Variants in CTCF observed in about 807,000 individuals in gnomAD.
The protein encoded by CTCF is CCCTC-binding factor, also known as transcriptional repressor CTCF.
Under a neutral mutation model 72.3 loss-of-function variants are expected in CTCF, and 7 were observed. That is an observed-to-expected ratio of 0.10 (90% CI 0.06 to 0.18). The LOEUF (loss-of-function observed/expected upper bound fraction) is 0.18. Among genes scored for constraint, CTCF ranks in the 10% least tolerant of loss-of-function variants. CTCF has a pLI of 1.00. For missense variants in CTCF, 516 were observed against 949.1 expected (o/e 0.54, Z 6.00); for synonymous variants, 374 against 315.8 (o/e 1.18, Z -1.95).
intron 4 of CTCF, 168 bp from the exon 5 acceptor site, chr16:67,616,577 A>G: frequency 1.5e-6 from 1 of 688,480 alleles, no homozygotes; most frequent in Non-Finnish European, 2.5e-6. Flanking sequence ...AAATTCATCC[A>G]GGCCCTCCCA....
intron 4 of CTCF, chr16:67,612,456 G>T (rs954851211): frequency 1.7e-5 from 3 of 180,958 alleles, no homozygotes; most frequent in Admixed American, 1.2e-4. Flanking sequence ...TGGGTGTGGT[G>T]GTGGGCGCCT....
At chr16:67,585,942 G>A (rs1369505511) in intron 2 of CTCF, among the ~76,000 whole-genome samples, 1 of 151,808 alleles carries the variant, frequency 6.6e-6, no homozygotes, top group African/African-American at 2.4e-5. Context: ...TGTGTCTTTT[G>A]GGTGTATATA....
At chr16:67,574,798 A>G (rs1440013552) in intron 2 of CTCF, among the ~76,000 whole-genome samples, 1 of 151,384 alleles carries the variant, frequency 6.6e-6, no homozygotes, top group East Asian at 2.0e-4. Context: ...AGCTGAGACT[A>G]CATGCGCCCA....
Position 67,572,964 on chromosome 16 carries a change from A to C in CTCF, c.-10+1700A>C, listed in dbSNP as rs547302870. Among the ~76,000 whole-genome samples, 35 of 110,504 alleles carry C rather than the reference A, an allele frequency of 3.2e-4. No individual in the cohort carries two copies. In the East Asian group the frequency reaches 0.011, roughly 33 times the overall value. 72.5% of individuals were successfully genotyped at this position (110,504 alleles called of 152,430 possible). On this transcript the variant is annotated intron_variant, in intron 2 of 11. Coordinates refer to ENST00000264010, the MANE Select transcript of CTCF (RefSeq NM_006565.4). ...CCCCCCCCGCCCCCCCCCCCAAAAC[A>C]ACAAAAGACTGGGCGCGGTGGCTCA...
intron 10 of CTCF, among the ~76,000 whole-genome samples, chr16:67,632,586 A>G (rs1049260916): frequency 2.0e-5 from 3 of 152,210 alleles, no homozygotes; most frequent in Non-Finnish European, 4.4e-5. Context: ...GCTGTTTTCA[A>G]GGCTTTTTGC....
intron 2 of CTCF, among the ~76,000 whole-genome samples, chr16:67,606,992 G>A (rs565759189): frequency 1.3e-5 from 2 of 151,822 alleles, no homozygotes; most frequent in Non-Finnish European, 2.9e-5. Context: ...TCGCTCTGTT[G>A]CCCTGGCTGG....
intron 2 of CTCF, among the ~76,000 whole-genome samples, chr16:67,584,022 G>A (rs1004447470): frequency 6.9e-6 from 1 of 144,906 alleles, no homozygotes; most frequent in Non-Finnish European, 1.5e-5. Flanking sequence ...CAAAGCCAGA[G>A]AACCACTCTT....
chr16:67,566,081 T>TTGGC (rs2051339682), intron 1 of CTCF, among the ~76,000 whole-genome samples: 1 of 152,214 alleles, frequency 6.6e-6, no homozygotes, highest in Admixed American at 6.5e-5. Context: ...TTTACCTGTC[T>TTGGC]TGGCTCCAGA....
In CTCF at chr16:67,636,893, G is replaced by A. The variant is rs772356104; in HGVS notation, c.1999+42G>A. The A allele has an allele frequency of 9.1e-6, 13 of 1,436,236 alleles. No individual in the cohort carries two copies. In the East Asian group the frequency reaches 2.1e-4, roughly 23 times the overall value. The allele number at this position is 1,436,236 out of a possible 1,614,324, so 89.0% of individuals were successfully genotyped here. A position where few individuals can be genotyped will look rare whatever the true frequency, so the allele number is the denominator to read the frequency against. Reference sequence around the variant, plus strand: ...TGCTCTGGAGGCTGGCGTCTTCTCCGAGCATGTGGGGGAGCCAGATGGGTC... The same window carrying A: ...TGCTCTGGAGGCTGGCGTCTTCTCCAAGCATGTGGGGGAGCCAGATGGGTC... On this transcript the variant is annotated intron_variant, in intron 11 of 11. Coordinates refer to ENST00000264010, the MANE Select transcript of CTCF (RefSeq NM_006565.4).
At chr16:67,566,059 C>T (rs1597671493) in intron 1 of CTCF, among the ~76,000 whole-genome samples, 1 of 152,230 alleles carries the variant, frequency 6.6e-6, no homozygotes, top group African/African-American at 2.4e-5. Flanking sequence ...ACTAGACCAT[C>T]TGTCTGCCTA....
chr16:67,613,944 A>G (rs1306720007), intron 4 of CTCF, among the ~76,000 whole-genome samples: 5 of 152,196 alleles, frequency 3.3e-5, no homozygotes, highest in Admixed American at 2.0e-4. Context: ...AACAAAACCC[A>G]TAAGAGCAGA....
intron 1 of CTCF, 27 bp from the exon 2 acceptor site, chr16:67,571,121 A>G (rs1226611413): frequency 5.3e-5 from 8 of 152,162 alleles, no homozygotes; most frequent in Non-Finnish European, 7.4e-5. Flanking sequence ...TTAGTGTTTC[A>G]TAAAATGATT....
intron 8 of CTCF, among the ~76,000 whole-genome samples, chr16:67,628,145 C>T (rs911412439): frequency 4.6e-5 from 7 of 152,082 alleles, no homozygotes; most frequent in Non-Finnish European, 1.0e-4. Context: ...TACCTATGGT[C>T]CCATTTTGAA....
At chr16:67,592,860 C>G (rs1367962635) in intron 2 of CTCF, among the ~76,000 whole-genome samples, 1 of 151,926 alleles carries the variant, frequency 6.6e-6, no homozygotes, top group Non-Finnish European at 1.5e-5. Context: ...AACCCCGTCT[C>G]TACTAAAAAT....
At chr16:67,631,143 G>A (rs922074621) in intron 10 of CTCF, among the ~76,000 whole-genome samples, 7 of 138,320 alleles carry the variant, frequency 5.1e-5, no homozygotes, top group Non-Finnish European at 1.1e-4. Flanking sequence ...GGCTTTTTTT[G>A]TTCTTTGTTT....
At chr16:67,581,342 T>G (rs77153771) in intron 2 of CTCF, among the ~76,000 whole-genome samples, 3 of 151,266 alleles carry the variant, frequency 2.0e-5, no homozygotes, top group African/African-American at 7.3e-5. Context: ...TTTTTTTTTT[T>G]GAGACAGTCT....
At chr16:67,626,459 A>AG in intron 7 of CTCF, 96 bp from the exon 8 acceptor site, 9 of 949,108 alleles carry the variant, frequency 9.5e-6, no homozygotes, top group Non-Finnish European at 1.3e-5. Context: ...TCTCAAAAAA[A>AG]AAAAAAAAAA....
At chr16:67,564,224 G>T (rs2051315121) in intron 1 of CTCF, among the ~76,000 whole-genome samples, 1 of 152,222 alleles carries the variant, frequency 6.6e-6, no homozygotes, top group South Asian at 2.1e-4. Context: ...TGAATTGCGG[G>T]AGTCTTTTGC....
chr16:67,595,045 A>T (rs1469702367), intron 2 of CTCF, among the ~76,000 whole-genome samples: 1 of 152,210 alleles, frequency 6.6e-6, no homozygotes, highest in African/African-American at 2.4e-5. Context: ...CAAACTGTAC[A>T]GAGCTCTGGG....
Sources: allele counts gnomAD v4.1 joint callset (sites outside exome capture counted in the v4.1 genomes callset), GRCh38; gene constraint gnomAD v4.1.1; transcripts MANE v1.5; gene names NCBI Gene and HGNC (gene_info 2026-07-23, HGNC 2026-07-21).